RASA2: variants seen among roughly 807,000 people sequenced by gnomAD.
The protein encoded by RASA2 is ras GTPase-activating protein 2.
In RASA2, 155 loss-of-function variants were observed where a neutral mutation model predicts 118.2. The ratio of observed to expected loss-of-function variants is 1.31; its 90% CI spans 1.15 to 1.50. The LOEUF (loss-of-function observed/expected upper bound fraction) is 1.50. Among genes scored for constraint, RASA2 ranks in the 40% most tolerant of loss-of-function variants. RASA2 has a pLI of 0.00. For synonymous variants in RASA2, 353 were observed against 349.1 expected (o/e 1.01, Z -0.12); for missense variants, 1,016 against 1,009.6 (o/e 1.01, Z -0.09).
Position 141,608,567 on chromosome 3 carries a change from G to A in RASA2, c.2095G>A (p.Val699Ile), listed in dbSNP as rs776746640. 2.5e-6 allele frequency: 4 copies of A among 1,613,770 alleles called. No individual in the cohort carries two copies. In the East Asian group the frequency reaches 6.7e-5, roughly 27 times the overall value. The change falls in exon 21 of 24, where the codon GTA becomes ATA. Residue 699 changes from valine (V) to isoleucine (I), a missense_variant. Val to Ile is a conservative substitution (Grantham distance 29). Around this residue, in one of 2 missense-constraint regions of RASA2, gnomAD observed 896 missense variants for 836.4 expected, o/e 1.07. Coordinates refer to ENST00000286364, the MANE Select transcript of RASA2 (RefSeq NM_006506.5). ...TGTAGAAGCTAATGAATGGATAGAC[G>A]TACTCTGCAGGGTGAGCCGATGCAA... ...NCVEANEWID[V>I]LCRVSRCNQN...
intron 21 of RASA2, among the ~76,000 whole-genome samples, chr3:141,608,898 A>G (rs2083591625): frequency 6.6e-6 from 1 of 152,242 alleles, no homozygotes; most frequent in South Asian, 2.1e-4. Flanking sequence ...AGTGTCTAGA[A>G]TAGGTAAATT....
At chr3:141,595,359 A>G (rs140270145) in intron 19 of RASA2, among the ~76,000 whole-genome samples, 1 of 152,360 alleles carries the variant, frequency 6.6e-6, no homozygotes, top group Non-Finnish European at 1.5e-5. Flanking sequence ...TCTACAATAT[A>G]TCCACGTTAA....
intron 1 of RASA2, among the ~76,000 whole-genome samples, chr3:141,505,961 G>A (rs1281821160): frequency 1.3e-5 from 2 of 152,208 alleles, no homozygotes; most frequent in African/African-American, 4.8e-5. Flanking sequence ...AATCATGGAT[G>A]TATAGTGGGA....
At chr3:141,582,623 A>T (rs1034933333) in intron 17 of RASA2, among the ~76,000 whole-genome samples, 2 of 152,204 alleles carry the variant, frequency 1.3e-5, no homozygotes, top group Non-Finnish European at 2.9e-5. Context: ...ACCCACTCAC[A>T]TTCTAATGGA....
intron 19 of RASA2, among the ~76,000 whole-genome samples, chr3:141,587,715 A>AAAAC (rs2083228001): frequency 7.0e-6 from 1 of 142,426 alleles, no homozygotes. Flanking sequence ...CTCCATCTCA[A>AAAAC]AAAAAAAAAA....
intron 1 of RASA2, among the ~76,000 whole-genome samples, chr3:141,489,965 C>CT (rs768242549): frequency 0.015 from 1,942 of 130,930 alleles, 28 homozygotes; most frequent in African/African-American, 0.041. Flanking sequence ...CTTGAGTGTA[C>CT]TTTTTTTTTT....
At chr3:141,573,646 G>A (rs970833424) in intron 13 of RASA2, among the ~76,000 whole-genome samples, 3 of 152,166 alleles carry the variant, frequency 2.0e-5, no homozygotes, top group Non-Finnish European at 4.4e-5. Flanking sequence ...CCTTGTGCTT[G>A]TGTATCCGAG....
intron 1 of RASA2, among the ~76,000 whole-genome samples, chr3:141,503,119 T>G (rs2081809218): frequency 6.6e-6 from 1 of 152,220 alleles, no homozygotes; most frequent in African/African-American, 2.4e-5. Flanking sequence ...TATTTAACAC[T>G]GTCTTGGAGC....
intron 9 of RASA2, among the ~76,000 whole-genome samples, chr3:141,566,956 G>A (rs2082829435): frequency 6.6e-6 from 1 of 151,932 alleles, no homozygotes; most frequent in African/African-American, 2.4e-5. Context: ...TAAAATCGTG[G>A]GTTCAAACAG....
intron 17 of RASA2, among the ~76,000 whole-genome samples, chr3:141,585,476 A>T (rs1469800026): frequency 1.3e-5 from 2 of 152,204 alleles, no homozygotes; most frequent in Admixed American, 6.6e-5. Context: ...CCTACAAGGA[A>T]ATATGTTCTG....
chr3:141,489,245 T>G (rs2151064709), intron 1 of RASA2, among the ~76,000 whole-genome samples: 1 of 152,342 alleles, frequency 6.6e-6, no homozygotes, highest in South Asian at 2.1e-4. Context: ...AAAAATGTAT[T>G]TGTATACTTA....
At chr3:141,586,537 A>G in intron 18 of RASA2, 109 bp from the exon 19 acceptor site, 1 of 672,960 alleles carries the variant, frequency 1.5e-6, no homozygotes, top group Non-Finnish European at 2.4e-6. Context: ...TATATATTTA[A>G]TATAATCTTA....
At chr3:141,535,285 CTT>C (rs2082311988) in intron 4 of RASA2, among the ~76,000 whole-genome samples, 1 of 152,080 alleles carries the variant, frequency 6.6e-6, no homozygotes, top group Non-Finnish European at 1.5e-5. Flanking sequence ...ATTTTTGTGA[CTT>C]TCTGTTTAGA....
At chr3:141,586,144 A>T in intron 18 of RASA2, 46 bp downstream of exon 18, 1 of 1,499,870 alleles carries the variant, frequency 6.7e-7, no homozygotes, top group Non-Finnish European at 9.2e-7. Context: ...CAGTATAGAT[A>T]TTAAGTAAGT....
chr3:141,512,379 CAG>C, intron 2 of RASA2, 99 bp downstream of exon 2: 1 of 831,922 alleles, frequency 1.2e-6, no homozygotes, highest in Non-Finnish European at 1.9e-6. Flanking sequence ...AAGACAGAAA[CAG>C]TGCTTGCTTT....
At chr3:141,600,425 C>T (rs2083445077) in intron 19 of RASA2, 2 of 431,692 alleles carry the variant, frequency 4.6e-6, no homozygotes, top group Non-Finnish European at 9.4e-6. Context: ...GGACCTGCAG[C>T]CCCCGACCAC....
chr3:141,587,978 A>C (rs965282909), intron 19 of RASA2, among the ~76,000 whole-genome samples: 4 of 152,286 alleles, frequency 2.6e-5, no homozygotes, highest in Admixed American at 2.6e-4. Flanking sequence ...AACCAAGATT[A>C]TTTCTTTGAC....
chr3:141,528,388 C>T (rs2082212389), intron 3 of RASA2, among the ~76,000 whole-genome samples: 2 of 151,760 alleles, frequency 1.3e-5, no homozygotes, highest in South Asian at 4.1e-4. Flanking sequence ...ATTTGCTTTT[C>T]AGTGGTTCAG....
At chr3:141,600,027 C>T (rs192402415) in intron 19 of RASA2, among the ~76,000 whole-genome samples, 7 of 152,210 alleles carry the variant, frequency 4.6e-5, no homozygotes, top group African/African-American at 1.2e-4. Flanking sequence ...AAGTTACTTA[C>T]GTTTATATGA....
Sources: allele counts gnomAD v4.1 joint callset (sites outside exome capture counted in the v4.1 genomes callset), GRCh38; gene constraint gnomAD v4.1.1; regional missense constraint gnomAD v4.1.1; transcripts MANE v1.5; gene names NCBI Gene and HGNC (gene_info 2026-07-23, HGNC 2026-07-21).